GLYATL2: variants seen among roughly 807,000 people sequenced by gnomAD.
GLYATL2 encodes glycine N-acyltransferase-like protein 2.
A neutral mutation model predicts 21.4 loss-of-function variants in GLYATL2; 25 were observed. That is an observed-to-expected ratio of 1.17 (90% CI 0.85 to 1.63). The LOEUF is 1.63. Among genes scored for constraint, GLYATL2 ranks in the 40% most tolerant of loss-of-function variants. The probability of loss-of-function intolerance (pLI) is 0.00; values close to 1 mark genes in which losing one functional copy is unlikely to be tolerated. For missense variants in GLYATL2, 361 were observed against 343.3 expected (o/e 1.05, Z -0.41); for synonymous variants, 114 against 118.2 (o/e 0.96, Z 0.23).
intron 1 of GLYATL2, among the ~76,000 whole-genome samples, chr11:58,869,942 A>G (rs1014271017): frequency 2.4e-4 from 37 of 152,120 alleles, no homozygotes; most frequent in African/African-American, 8.9e-4. Flanking sequence ...CATCTCTATA[A>G]AATGAAAATA....
intron 1 of GLYATL2, among the ~76,000 whole-genome samples, chr11:58,874,976 T>C (rs1311235836): frequency 1.3e-5 from 2 of 152,264 alleles, no homozygotes; most frequent in South Asian, 2.1e-4. Context: ...GGTGCTCCTA[T>C]ATTGGGTGCA....
chr11:58,882,968 A>G (rs1854367792), intron 1 of GLYATL2, among the ~76,000 whole-genome samples: 1 of 152,184 alleles, frequency 6.6e-6, no homozygotes, highest in African/African-American at 2.4e-5. Context: ...GCCTTGTAGT[A>G]TAGTTTGAAG....
At chr11:58,853,662 G>C (rs190415334) in intron 1 of GLYATL2, among the ~76,000 whole-genome samples, 85 of 152,182 alleles carry the variant, frequency 5.6e-4, no homozygotes, top group African/African-American at 2.0e-3. Flanking sequence ...TTTTTTCGTA[G>C]TGAATACGTT....
chr11:58,848,570 A>G (rs1853684006), upstream of GLYATL2, among the ~76,000 whole-genome samples: 1 of 152,240 alleles, frequency 6.6e-6, no homozygotes, highest in East Asian at 1.9e-4. Context: ...TGAAGAATCT[A>G]TCAGGGACCT....
At chr11:58,849,275 CA>C (rs1853696962), upstream of GLYATL2, among the ~76,000 whole-genome samples, 4 of 152,178 alleles carry the variant, frequency 2.6e-5, no homozygotes, top group South Asian at 8.3e-4. Context: ...AATAAGTACA[CA>C]CGAACAGACA....
intron 1 of GLYATL2, among the ~76,000 whole-genome samples, chr11:58,881,655 G>T (rs1314128730): frequency 6.6e-6 from 1 of 152,038 alleles, no homozygotes. Context: ...TGTTACATAT[G>T]TATACATGTG....
At chr11:58,839,013 A>G (rs1196720003) in intron 2 of GLYATL2, among the ~76,000 whole-genome samples, 1 of 152,222 alleles carries the variant, frequency 6.6e-6, no homozygotes, top group Non-Finnish European at 1.5e-5. Flanking sequence ...GAAATGATTA[A>G]GAGTATGGCA....
chr11:58,901,066 T>G (rs893838940), intron 1 of GLYATL2, among the ~76,000 whole-genome samples: 1 of 152,208 alleles, frequency 6.6e-6, no homozygotes, highest in Non-Finnish European at 1.5e-5. Flanking sequence ...AGTGAGGTAT[T>G]TAAGCGCTTG....
intron 1 of GLYATL2, among the ~76,000 whole-genome samples, chr11:58,901,601 G>A (rs545422640): frequency 6.6e-6 from 1 of 151,214 alleles, no homozygotes; most frequent in Non-Finnish European, 1.5e-5. Context: ...AAGAGGGAAA[G>A]GAATTTGCTC....
At chr11:58,860,580 G>A (rs572098095) in intron 1 of GLYATL2, among the ~76,000 whole-genome samples, 28 of 152,166 alleles carry the variant, frequency 1.8e-4, no homozygotes, top group Middle Eastern at 3.4e-3. Flanking sequence ...TTCCAATTTG[G>A]ATGCTTTTTA....
chr11:58,895,859 CTTT>C (rs146831694), intron 1 of GLYATL2, among the ~76,000 whole-genome samples: 1 of 143,504 alleles, frequency 7.0e-6, no homozygotes, highest in African/African-American at 2.5e-5. Context: ...GAGGTTTCCT[CTTT>C]TTTTTTTTTT....
chr11:58,905,602 G>A (rs1854848693), upstream of GLYATL2: 1 of 456,306 alleles, frequency 2.2e-6, no homozygotes. Flanking sequence ...GCTTCCACTG[G>A]GAGACAGGGG....
At chr11:58,837,434 T>G in intron 3 of GLYATL2, 37 bp from the exon 4 acceptor site, 9 of 1,569,898 alleles carry the variant, frequency 5.7e-6, no homozygotes, top group Non-Finnish European at 7.9e-6. Context: ...TACATAGCGC[T>G]ACAATTTACA....
Position 58,837,306 on chromosome 11 carries a change from T to C in GLYATL2, c.278A>G (p.Asn93Ser), listed in dbSNP as rs186195231. The stretch of plus-strand genomic sequence containing the variant: ...CAAAGTTTGCTCCCAGCTGATTACA[T>C]TGGAGTATGACAGGACTTCCTCTAA... ...DKLEEVLSYS[N>S]VISWEQTLQI... Residue 93 changes from asparagine to serine, a missense_variant, in exon 4 of 6, where the codon AAT becomes AGT. Asn to Ser is a conservative substitution (Grantham distance 46, BLOSUM62 1). Transcript: ENST00000287275. 1.1e-3 allele frequency: 1,802 copies of C among 1,613,992 alleles called. 34 individuals carry two copies. In the South Asian group the frequency reaches 0.013, roughly 12 times the overall value.
chr11:58,856,500 G>A (rs1853829762), intron 1 of GLYATL2, among the ~76,000 whole-genome samples: 1 of 152,180 alleles, frequency 6.6e-6, no homozygotes, highest in Non-Finnish European at 1.5e-5. Context: ...ATTTTGACCT[G>A]CCTTCCTCCC....
chr11:58,878,321 G>A lies in GLYATL2; in HGVS notation n.60+25835C>T, dbSNP rs1043654223. 5 of 563,506 alleles carry A rather than the reference G, an allele frequency of 8.9e-6. No individual in the cohort carries two copies. In the South Asian group the frequency reaches 1.0e-4, roughly 12 times the overall value. 34.9% of individuals were successfully genotyped at this position (563,506 alleles called of 1,614,324 possible). ...ATCCCCAGGAGCGCTAAGTGAACAAGGATGCTACATGCAGGATCCACTTGT... is the reference window on the plus strand; with the variant it reads ...ATCCCCAGGAGCGCTAAGTGAACAAAGATGCTACATGCAGGATCCACTTGT... On this transcript the variant is annotated intron_variant and non_coding_transcript_variant, in intron 1 of 4. Transcript: ENST00000533636.
At chr11:58,869,814 G>A (rs747603160) in intron 1 of GLYATL2, among the ~76,000 whole-genome samples, 34 of 152,158 alleles carry the variant, frequency 2.2e-4, no homozygotes, top group Admixed American at 1.0e-3. Flanking sequence ...ATACATTTTT[G>A]TCTGGGTTTT....
At chr11:58,904,959 C>T (rs994308917), upstream of GLYATL2, among the ~76,000 whole-genome samples, 4 of 152,216 alleles carry the variant, frequency 2.6e-5, no homozygotes, top group Non-Finnish European at 5.9e-5. Context: ...TATTCATGTT[C>T]TTAGACAGTA....
chr11:58,865,725 G>A (rs1182520777), intron 1 of GLYATL2, among the ~76,000 whole-genome samples: 2 of 29,758 alleles, frequency 6.7e-5, no homozygotes, highest in East Asian at 1.4e-3. Flanking sequence ...CACAAAGGAT[G>A]AAGGAAGAAG....
Sources: allele counts gnomAD v4.1 joint callset (sites outside exome capture counted in the v4.1 genomes callset), GRCh38; gene constraint gnomAD v4.1.1; transcripts MANE v1.5; gene names NCBI Gene and HGNC (gene_info 2026-07-23, HGNC 2026-07-21).